The following HOOK3 variants were observed in gnomAD, a reference collection of about 807,000 sequenced individuals.
The protein encoded by HOOK3 is protein Hook homolog 3.
In HOOK3, 24 loss-of-function variants were observed where a neutral mutation model predicts 116.3. The observed-to-expected ratio is 0.21, with a 90% confidence interval of 0.15 to 0.29. The LOEUF is 0.29. Ranked by LOEUF, HOOK3 falls within the 10% of genes least tolerant of loss-of-function variation. The probability of loss-of-function intolerance (pLI) is 1.00; values close to 1 mark genes in which losing one functional copy is unlikely to be tolerated. For synonymous variants in HOOK3, 275 were observed against 283.0 expected (o/e 0.97, Z 0.28); for missense variants, 632 against 830.2 (o/e 0.76, Z 2.93).
intron 2 of HOOK3, among the ~76,000 whole-genome samples, chr8:42,908,173 C>G (rs1443788212): frequency 6.6e-6 from 1 of 152,070 alleles, no homozygotes; most frequent in Non-Finnish European, 1.5e-5. Context: ...AAGTTGAAGT[C>G]TGCAATAAAG....
chr8:43,012,973 A>C (rs1809640740), intron 19 of HOOK3, 78 bp from the exon 20 acceptor site: 5 of 875,008 alleles, frequency 5.7e-6, no homozygotes, highest in Admixed American at 2.8e-5. Flanking sequence ...TATTTTAAAA[A>C]AATAGTCATT....
intron 14 of HOOK3, among the ~76,000 whole-genome samples, chr8:42,983,779 T>G (rs1166653585): frequency 6.6e-6 from 1 of 152,174 alleles, no homozygotes; most frequent in Admixed American, 6.5e-5. Flanking sequence ...CCCAGCCAGT[T>G]TCATTTATTT....
chr8:42,947,770 A>G (rs1808262938), intron 5 of HOOK3, among the ~76,000 whole-genome samples: 1 of 152,122 alleles, frequency 6.6e-6, no homozygotes, highest in Non-Finnish European at 1.5e-5. Context: ...CTCGCTTGGG[A>G]TGAGATACTT....
chr8:42,927,644 AC>A, intron 3 of HOOK3, among the ~76,000 whole-genome samples: 1 of 151,806 alleles, frequency 6.6e-6, no homozygotes, highest in Non-Finnish European at 1.5e-5. Context: ...TCTCACTCTC[AC>A]CCAGGATAGA....
chr8:42,987,510 G>T (rs929354712), intron 15 of HOOK3, among the ~76,000 whole-genome samples: 1 of 152,220 alleles, frequency 6.6e-6, no homozygotes, highest in Non-Finnish European at 1.5e-5. Context: ...CTCTGTTGGT[G>T]TGGGGAGAGC....
rs1194963993 is a variant in HOOK3 at position 43,023,834 on chromosome 8, C to G, written c.*5336C>G. 4.9e-6 allele frequency: 1 copy of G among 205,630 alleles called. No individual in the cohort carries two copies. The highest frequency in any genetic ancestry group is 9.9e-6 in the Non-Finnish European group (1 of 100,738). 12.7% of individuals were successfully genotyped at this position (205,630 alleles called of 1,614,324 possible). A position where few individuals can be genotyped will look rare whatever the true frequency, so the allele number is the denominator to read the frequency against. On this transcript the variant is annotated 3_prime_UTR_variant, in exon 22 of 22. Transcript: ENST00000307602. ...GTAATTGTTTGAAATATTTTTCAGC[C>G]TCTCCTGCTCCCTCACAAAAATTCA... is the stretch of plus-strand genomic sequence containing the variant.
chr8:42,922,541 A>G (rs1293845745), intron 2 of HOOK3, among the ~76,000 whole-genome samples: 5 of 152,102 alleles, frequency 3.3e-5, no homozygotes, highest in Admixed American at 1.3e-4. Context: ...TGGGCAACAG[A>G]GTGGGAACCT....
chr8:42,968,574 C>G (rs1808673603), intron 11 of HOOK3, among the ~76,000 whole-genome samples: 1 of 152,188 alleles, frequency 6.6e-6, no homozygotes. Flanking sequence ...AAGTGATCCA[C>G]CAGCCTCAGC....
chr8:43,005,322 G>A (rs1213548863), intron 17 of HOOK3, among the ~76,000 whole-genome samples: 3 of 146,206 alleles, frequency 2.1e-5, no homozygotes, highest in Admixed American at 7.0e-5. Flanking sequence ...CCGGGTTCAC[G>A]ACATTCTCCT....
chr8:43,012,015 G>A (rs1413369913), intron 19 of HOOK3, among the ~76,000 whole-genome samples: 1 of 152,142 alleles, frequency 6.6e-6, no homozygotes, highest in Non-Finnish European at 1.5e-5. Context: ...GAAGAAATGG[G>A]GCCACAGTGA....
intron 8 of HOOK3, among the ~76,000 whole-genome samples, chr8:42,963,492 G>C (rs990835928): frequency 6.6e-6 from 1 of 152,204 alleles, no homozygotes; most frequent in African/African-American, 2.4e-5. Context: ...CTAAGTCTTC[G>C]TGTGGGCGTA....
intron 17 of HOOK3, among the ~76,000 whole-genome samples, chr8:43,003,961 C>G (rs1809424784): frequency 6.6e-6 from 1 of 152,168 alleles, no homozygotes; most frequent in South Asian, 2.1e-4. Flanking sequence ...CAAATACTGT[C>G]ACATTCATAT....
At chr8:42,932,313 A>G (rs559775306) in intron 4 of HOOK3, among the ~76,000 whole-genome samples, 22 of 152,090 alleles carry the variant, frequency 1.4e-4, no homozygotes, top group Non-Finnish European at 2.8e-4. Context: ...AGAAGAGGTG[A>G]TTGGTTTTGT....
intron 15 of HOOK3, among the ~76,000 whole-genome samples, chr8:42,996,012 C>G (rs768848852): frequency 6.6e-6 from 1 of 152,146 alleles, no homozygotes; most frequent in Non-Finnish European, 1.5e-5. Flanking sequence ...TCCCTTCTTG[C>G]AATCCTTCAG....
intron 21 of HOOK3, among the ~76,000 whole-genome samples, chr8:43,017,303 T>A (rs1025618587): frequency 3.3e-5 from 5 of 152,230 alleles, no homozygotes; most frequent in Non-Finnish European, 5.9e-5. Context: ...GTTCTCGCAC[T>A]GTTCCCATGC....
intron 6 of HOOK3, among the ~76,000 whole-genome samples, chr8:42,956,223 C>CGTGTGTGT (rs61448463): frequency 0.017 from 2,313 of 135,842 alleles, 35 homozygotes; most frequent in Non-Finnish European, 0.021. Flanking sequence ...AGGATTAGGG[C>CGTGTGTGT]GTGTGTGTGT....
At chr8:42,897,297 T>A in intron 1 of HOOK3, 109 bp downstream of exon 1, 3 of 479,784 alleles carry the variant, frequency 6.3e-6, no homozygotes, top group Non-Finnish European at 9.0e-6. Flanking sequence ...TGCCGTCACA[T>A]CCGGGGCCTG....
At chr8:42,923,367 G>A (rs1807701027) in intron 2 of HOOK3, among the ~76,000 whole-genome samples, 1 of 152,174 alleles carries the variant, frequency 6.6e-6, no homozygotes, top group South Asian at 2.1e-4. Context: ...TAGTACAGCA[G>A]TGTTCAAGGC....
At chr8:42,903,537 G>C (rs1402012402) in intron 1 of HOOK3, among the ~76,000 whole-genome samples, 4 of 150,024 alleles carry the variant, frequency 2.7e-5, no homozygotes, top group Admixed American at 2.6e-4. Flanking sequence ...GTAGAGACGG[G>C]GTTTCACCGT....
Sources: gnomAD v4.1 joint callset for allele counts (sites outside exome capture counted in the v4.1 genomes callset) on GRCh38, gnomAD v4.1.1 for gene constraint, MANE v1.5 for transcripts, NCBI Gene and HGNC (gene_info 2026-07-23, HGNC 2026-07-21) for gene names.